The following PIK3C2G variants were observed in gnomAD, a reference collection of about 807,000 sequenced individuals.
The protein encoded by PIK3C2G is phosphatidylinositol 3-kinase C2 domain-containing subunit gamma.
Under a neutral mutation model 181.1 loss-of-function variants are expected in PIK3C2G, and 168 were observed. The observed-to-expected ratio is 0.93, with a 90% CI of 0.82 to 1.05. The LOEUF (loss-of-function observed/expected upper bound fraction) is 1.05. Ranked by LOEUF, PIK3C2G falls within the 50% of genes least tolerant of loss-of-function variation. The pLI is 0.00. For synonymous variants in PIK3C2G, 573 were observed against 592.2 expected, an observed-to-expected ratio of 0.97 and a Z score of 0.47; for missense variants, 1,869 against 1,732.8, an observed-to-expected ratio of 1.08 and a Z score of -1.40.
intron 18 of PIK3C2G, among the ~76,000 whole-genome samples, chr12:18,485,948 T>C (rs996389666): frequency 1.3e-5 from 2 of 152,178 alleles, no homozygotes; most frequent in East Asian, 1.9e-4. Flanking sequence ...TGCTTCCTTA[T>C]AGAGAAGGTC....
intron 7 of PIK3C2G, among the ~76,000 whole-genome samples, chr12:18,323,130 T>A (rs1951183451): frequency 6.6e-6 from 1 of 152,162 alleles, no homozygotes; most frequent in African/African-American, 2.4e-5. Flanking sequence ...TCTGTTCTTG[T>A]CTTACCCCTG....
intron 18 of PIK3C2G, among the ~76,000 whole-genome samples, chr12:18,456,359 T>C: frequency 6.6e-6 from 1 of 151,798 alleles, no homozygotes; most frequent in South Asian, 2.1e-4. Flanking sequence ...GAGTGGAGGC[T>C]TATTAGTCAA....
intron 1 of PIK3C2G, among the ~76,000 whole-genome samples, chr12:18,271,298 C>A (rs535033171): frequency 1.7e-4 from 26 of 152,182 alleles, no homozygotes; most frequent in Non-Finnish European, 2.8e-4. Context: ...ACACTTGGCT[C>A]AGCATTTTCA....
At chr12:18,505,198 T>C in intron 23 of PIK3C2G, 94 bp from the exon 24 acceptor site, 1 of 1,067,952 alleles carries the variant, frequency 9.4e-7, no homozygotes, top group East Asian at 2.6e-5. Context: ...TATGTAATTT[T>C]GCTTATCATT....
At chr12:18,319,521 T>C (rs542974614) in intron 6 of PIK3C2G, among the ~76,000 whole-genome samples, 1 of 152,250 alleles carries the variant, frequency 6.6e-6, no homozygotes, top group African/African-American at 2.4e-5. Flanking sequence ...AAGTTATTTT[T>C]CCTCCAGCCT....
At chr12:18,393,473 T>C (rs1167098466) in intron 15 of PIK3C2G, among the ~76,000 whole-genome samples, 1 of 151,950 alleles carries the variant, frequency 6.6e-6, no homozygotes. Context: ...AGTGAGGAAG[T>C]TCAGACTCAA....
intron 30 of PIK3C2G, among the ~76,000 whole-genome samples, chr12:18,600,897 A>G (rs1947672060): frequency 6.6e-6 from 1 of 152,162 alleles, no homozygotes; most frequent in Non-Finnish European, 1.5e-5. Context: ...AGACAATTTC[A>G]TGTTACTTAA....
the PIK3C2G span, among the ~76,000 whole-genome samples, chr12:18,682,501 G>T: frequency 6.6e-6 from 1 of 151,876 alleles, no homozygotes; most frequent in African/African-American, 2.4e-5. Context: ...TTTTGCTGTT[G>T]GTAAGAAGTC....
At chr12:18,249,861 A>G (rs943311163) in intron 1 of PIK3C2G, among the ~76,000 whole-genome samples, 1 of 152,064 alleles carries the variant, frequency 6.6e-6, no homozygotes, top group Non-Finnish European at 1.5e-5. Flanking sequence ...GTCCTTTTTA[A>G]ACTTTTCTTT....
chr12:18,634,967 C>T (rs1949523195), intron 31 of PIK3C2G, among the ~76,000 whole-genome samples: 1 of 152,134 alleles, frequency 6.6e-6, no homozygotes, highest in Non-Finnish European at 1.5e-5. Context: ...CCCTGATCAC[C>T]CAGCCAAACC....
the PIK3C2G span, chr12:18,693,173 C>G: frequency 6.4e-7 from 1 of 1,550,526 alleles, no homozygotes; most frequent in Middle Eastern, 1.9e-4. Flanking sequence ...CAGAACACTA[C>G]ATCAGCATTC....
chr12:18,415,667 T>C (rs7304266), intron 16 of PIK3C2G, among the ~76,000 whole-genome samples: 18,524 of 152,266 alleles, frequency 0.12, 1,534 homozygotes, highest in Admixed American at 0.26. Context: ...GCTAGGCTTC[T>C]TGTGCCAAAC....
the PIK3C2G span, chr12:18,693,613 G>A: frequency 7.3e-5 from 115 of 1,569,620 alleles, no homozygotes; most frequent in South Asian, 1.2e-4. Context: ...AACGTGCACC[G>A]TCCATTGTGT....
the PIK3C2G span, among the ~76,000 whole-genome samples, chr12:18,685,334 C>G: frequency 2.1e-3 from 315 of 152,002 alleles, 3 homozygotes; most frequent in African/African-American, 7.3e-3. Context: ...AAAAGTAAAG[C>G]GTAATTTAAC....
intron 11 of PIK3C2G, among the ~76,000 whole-genome samples, chr12:18,351,519 T>G (rs189634280): frequency 6.6e-6 from 1 of 152,198 alleles, no homozygotes; most frequent in Non-Finnish European, 1.5e-5. Context: ...AGAGTTTTGC[T>G]GATTTATCCT....
chr12:18,243,608 G>GA (rs1282701117), upstream of PIK3C2G, among the ~76,000 whole-genome samples: 1 of 151,932 alleles, frequency 6.6e-6, no homozygotes, highest in Non-Finnish European at 1.5e-5. Context: ...AAGCCCTGAA[G>GA]AAACAAGTGG....
intron 18 of PIK3C2G, among the ~76,000 whole-genome samples, chr12:18,468,597 A>C (rs1401762204): frequency 2.0e-5 from 3 of 152,066 alleles, no homozygotes; most frequent in Non-Finnish European, 2.9e-5. Context: ...ATAAAGCTAC[A>C]GGGAATAACT....
chr12:18,636,516 C>T (rs1949610681), intron 31 of PIK3C2G, among the ~76,000 whole-genome samples: 1 of 152,106 alleles, frequency 6.6e-6, no homozygotes, highest in Admixed American at 6.6e-5. Context: ...CAGGTGTGAG[C>T]CACTGCACCC....
chr12:18,420,325 C>T (rs1592214692), intron 16 of PIK3C2G, among the ~76,000 whole-genome samples: 2 of 152,134 alleles, frequency 1.3e-5, no homozygotes, highest in South Asian at 2.1e-4. Flanking sequence ...AAATACCTCA[C>T]AAATTTATTT....
Sources: gnomAD v4.1 joint callset for allele counts (sites outside exome capture counted in the v4.1 genomes callset) on GRCh38, gnomAD v4.1.1 for gene constraint, MANE v1.5 for transcripts, NCBI Gene and HGNC (gene_info 2026-07-23, HGNC 2026-07-21) for gene names.